Variants in ATF7 observed in about 807,000 individuals in gnomAD.
The protein encoded by ATF7 is cyclic AMP-dependent transcription factor ATF-7.
In ATF7, 10 loss-of-function variants were observed where a neutral mutation model predicts 50.4. The observed-to-expected ratio is 0.20, with a 90% CI of 0.12 to 0.34. The LOEUF (loss-of-function observed/expected upper bound fraction) is 0.34. Among genes scored for constraint, ATF7 ranks in the 10% least tolerant of loss-of-function variants. The probability of loss-of-function intolerance (pLI) is 1.00; values close to 1 mark genes in which losing one functional copy is unlikely to be tolerated. For missense variants in ATF7, 465 were observed against 613.9 expected (o/e 0.76, Z 2.56); for synonymous variants, 201 against 226.4 (o/e 0.89, Z 1.01).
At chr12:53,598,135 T>A (rs1943244457) in intron 2 of ATF7, among the ~76,000 whole-genome samples, 2 of 152,224 alleles carry the variant, frequency 1.3e-5, no homozygotes, top group Admixed American at 1.3e-4. Context: ...TTACCAAATT[T>A]ATCTTATCTG....
chr12:53,563,208 A>G (rs1395950167), intron 2 of ATF7, among the ~76,000 whole-genome samples: 3 of 152,138 alleles, frequency 2.0e-5, no homozygotes, highest in African/African-American at 4.8e-5. Context: ...AATGACTCCA[A>G]TCTTCAGTGA....
intron 2 of ATF7, among the ~76,000 whole-genome samples, chr12:53,586,987 A>G (rs374073288): frequency 7.2e-5 from 11 of 152,226 alleles, no homozygotes; most frequent in African/African-American, 2.4e-4. Flanking sequence ...GGTGGAAAAG[A>G]CAAGACTCTA....
chr12:53,562,884 A>T (rs1223807642), intron 2 of ATF7, among the ~76,000 whole-genome samples: 1 of 152,180 alleles, frequency 6.6e-6, no homozygotes, highest in East Asian at 1.9e-4. Context: ...GATTTAAATC[A>T]TTAGGAAGGA....
intron 2 of ATF7, among the ~76,000 whole-genome samples, chr12:53,573,005 G>A (rs1941857431): frequency 2.0e-5 from 3 of 148,716 alleles, no homozygotes; most frequent in Non-Finnish European, 3.0e-5. Flanking sequence ...GGCTGGTCTC[G>A]AACTCTTGGC....
chr12:53,534,437 CAAAT>C (rs1185983894), intron 6 of ATF7, 61 bp downstream of exon 6: 4 of 1,597,404 alleles, frequency 2.5e-6, no homozygotes, highest in Non-Finnish European at 3.4e-6. Context: ...CCAGTTTTAT[CAAAT>C]AGTTTCATGT....
intron 1 of ATF7, among the ~76,000 whole-genome samples, chr12:53,620,802 C>A (rs1250385634): frequency 1.3e-5 from 2 of 149,144 alleles, no homozygotes; most frequent in African/African-American, 4.9e-5. Flanking sequence ...AACAAAATAA[C>A]AACAAAAAAT....
chr12:53,530,273 GT>G (rs1938789589), intron 9 of ATF7, among the ~76,000 whole-genome samples: 1 of 152,162 alleles, frequency 6.6e-6, no homozygotes, highest in African/African-American at 2.4e-5. Flanking sequence ...GCCATGAAAT[GT>G]TTGGACATGT....
chr12:53,570,464 G>C (rs910429696), intron 2 of ATF7, among the ~76,000 whole-genome samples: 2 of 152,174 alleles, frequency 1.3e-5, no homozygotes, highest in Non-Finnish European at 2.9e-5. Flanking sequence ...CTACAGTATA[G>C]CAAATGCAGA....
At chr12:53,584,395 G>A (rs907012689) in intron 2 of ATF7, among the ~76,000 whole-genome samples, 1 of 152,172 alleles carries the variant, frequency 6.6e-6, no homozygotes, top group African/African-American at 2.4e-5. Context: ...GGAGCAACAA[G>A]AACTCTCATT....
chr12:53,549,509 C>T (rs1402049554), intron 3 of ATF7, among the ~76,000 whole-genome samples: 5 of 151,944 alleles, frequency 3.3e-5, no homozygotes, highest in African/African-American at 1.2e-4. Flanking sequence ...GTTCAAGCGA[C>T]TCTCCTGCTT....
chr12:53,615,077 C>A (rs1270059708), intron 1 of ATF7, among the ~76,000 whole-genome samples: 1 of 150,732 alleles, frequency 6.6e-6, no homozygotes, highest in African/African-American at 2.4e-5. Context: ...AAGACGCCAT[C>A]TCAAAAGAAA....
intron 2 of ATF7, among the ~76,000 whole-genome samples, chr12:53,579,913 A>T (rs954380791): frequency 6.6e-6 from 1 of 152,098 alleles, no homozygotes; most frequent in Admixed American, 6.6e-5. Flanking sequence ...GAAACCTTAA[A>T]TATTTCCTTC....
intron 2 of ATF7, among the ~76,000 whole-genome samples, chr12:53,595,389 T>C (rs1943112769): frequency 6.6e-6 from 1 of 152,228 alleles, no homozygotes; most frequent in African/African-American, 2.4e-5. Flanking sequence ...TTTGTGCTTA[T>C]GCCAGATAAT....
chr12:53,610,239 C>T (rs1323530521), intron 1 of ATF7, among the ~76,000 whole-genome samples: 2 of 151,986 alleles, frequency 1.3e-5, no homozygotes, highest in African/African-American at 4.8e-5. Context: ...TCAGTCTGAT[C>T]CTAGTTACCT....
At chr12:53,525,831 A>T (rs1938417523) in intron 9 of ATF7, among the ~76,000 whole-genome samples, 1 of 152,224 alleles carries the variant, frequency 6.6e-6, no homozygotes, top group Non-Finnish European at 1.5e-5. Flanking sequence ...AAATGTAGAA[A>T]GGTCAACCAT....
At chr12:53,622,607 C>G (rs1391484492) in intron 1 of ATF7, among the ~76,000 whole-genome samples, 1 of 146,806 alleles carries the variant, frequency 6.8e-6, no homozygotes, top group African/African-American at 2.5e-5. Flanking sequence ...GGCAAAAGCG[C>G]GAGACTCTGC....
intron 5 of ATF7, 147 bp from the exon 6 acceptor site, chr12:53,534,806 C>A: frequency 1.1e-6 from 1 of 916,504 alleles, no homozygotes; most frequent in Non-Finnish European, 1.6e-6. Context: ...GGATCAGGGA[C>A]CCATAACTCA....
chr12:53,615,291 G>A (rs1341814401), intron 1 of ATF7, among the ~76,000 whole-genome samples: 1 of 152,106 alleles, frequency 6.6e-6, no homozygotes, highest in African/African-American at 2.4e-5. Context: ...GGCTGAGGCA[G>A]AAGAATGGCA....
chr12:53,542,678 C>T (rs752962450), intron 4 of ATF7, among the ~76,000 whole-genome samples: 102 of 152,166 alleles, frequency 6.7e-4, no homozygotes, highest in Non-Finnish European at 1.3e-3. Context: ...ACCTTGGCCT[C>T]CCAAAGTGCT....
Sources: gnomAD v4.1 joint callset for allele counts (sites outside exome capture counted in the v4.1 genomes callset) on GRCh38, gnomAD v4.1.1 for gene constraint, MANE v1.5 for transcripts, NCBI Gene and HGNC (gene_info 2026-07-23, HGNC 2026-07-21) for gene names.